The following CNIH3 variants were observed in gnomAD, a reference collection of about 807,000 sequenced individuals.
CNIH3 encodes cornichon family AMPA receptor auxiliary protein 3, also known as protein cornichon homolog 3.
Under a neutral mutation model 24.1 loss-of-function variants are expected in CNIH3, and 14 were observed. The ratio of observed to expected loss-of-function variants is 0.58; its 90% CI spans 0.38 to 0.91. The LOEUF (loss-of-function observed/expected upper bound fraction) is 0.91, where lower values mean the gene tolerates loss of function less well. Among genes scored for constraint, CNIH3 ranks in the 40% least tolerant of loss-of-function variants. CNIH3 has a pLI of 0.00. For synonymous variants in CNIH3, 68 were observed against 73.8 expected (o/e 0.92, Z 0.40); for missense variants, 178 against 196.8 (o/e 0.90, Z 0.57).
chr1:224,474,680 A>T (rs1383393354), intron 1 of CNIH3, among the ~76,000 whole-genome samples: 1 of 152,134 alleles, frequency 6.6e-6, no homozygotes, highest in South Asian at 2.1e-4. Flanking sequence ...TTCTGAAAAG[A>T]TAAAATTGAC....
chr1:224,608,362 G>A (rs1022897359), intron 3 of CNIH3, among the ~76,000 whole-genome samples: 8 of 152,136 alleles, frequency 5.3e-5, no homozygotes, highest in East Asian at 1.9e-4. Context: ...TTATTCGGCC[G>A]GGAGTGTTGG....
chr1:224,634,966 A>G (rs1684016011), intron 1 of CNIH3, among the ~76,000 whole-genome samples: 1 of 152,244 alleles, frequency 6.6e-6, no homozygotes, highest in Non-Finnish European at 1.5e-5. Flanking sequence ...GGGAGGCAGC[A>G]TCCGTTGTCT....
chr1:224,496,568 C>G lies in CNIH3; in HGVS notation n.204-19173C>G, dbSNP rs567969825. ...TGAGGAGGCCAGATGGTCCCTGAAT[C>G]AGGGTGGTTTCAGCATGCCCAGGAA... On this transcript the variant is annotated intron_variant and non_coding_transcript_variant, in intron 1 of 5. Coordinates refer to the CNIH3 transcript ENST00000471578. Among the ~76,000 whole-genome samples, 13 of 152,298 alleles carry G rather than the reference C, an allele frequency of 8.5e-5. No homozygotes were observed. The South Asian group carries it at 2.7e-3, about 32-fold the overall frequency.
At position 224,595,197 on chromosome 1, in the gene CNIH3, C is replaced by T. The variant is rs1229690548; in HGVS notation, n.402+28933C>T. On this transcript the variant is annotated intron_variant and non_coding_transcript_variant, in intron 3 of 7. Transcript: ENST00000478120. ...AATAAGCTGGGACTACAGTTGTGCA[C>T]CACCATACCTGTCTAATTTTAAAAT... is the stretch of plus-strand genomic sequence containing the variant. Among the ~76,000 whole-genome samples, 6 of 152,316 alleles carry T rather than the reference C, an allele frequency of 3.9e-5. No homozygotes were observed. In the East Asian group the frequency reaches 1.2e-3, roughly 29 times the overall value.
chr1:224,442,011 T>G (rs1297169152), intron 1 of CNIH3, among the ~76,000 whole-genome samples: 7 of 147,136 alleles, frequency 4.8e-5, no homozygotes, highest in Non-Finnish European at 9.0e-5. Flanking sequence ...TTGATTCCCT[T>G]AATTTTTTTT....
intron 3 of CNIH3, among the ~76,000 whole-genome samples, chr1:224,563,233 T>C (rs1680446409): frequency 6.6e-6 from 1 of 151,470 alleles, no homozygotes; most frequent in Non-Finnish European, 1.5e-5. Flanking sequence ...CTTCTTTTTA[T>C]AAATTACCCA....
intron 1 of CNIH3, among the ~76,000 whole-genome samples, chr1:224,672,536 AC>A (rs1685919874): frequency 6.6e-6 from 1 of 152,086 alleles, no homozygotes; most frequent in African/African-American, 2.4e-5. Context: ...ATCCTTCCTC[AC>A]CTCTTCCCAG....
Position 224,636,857 on chromosome 1 carries a change from G to A in CNIH3, c.81+19602G>A, listed in dbSNP as rs184667913. On this transcript the variant is annotated intron_variant, in intron 1 of 5. Transcript: ENST00000272133. ...GCCCTGAGGAAGATGTGAATTAGAA[G>A]GTTGCTTTAAGATTTTTATTTATCT... 1.4e-3 allele frequency among the ~76,000 whole-genome samples: 213 copies of A among 152,140 alleles called. 4 individuals carry two copies. Among genetic ancestry groups the A allele is most frequent in the East Asian group, 7.7e-4 (4 of 5,186 alleles).
At chr1:224,569,716 T>C (rs1680737604) in intron 4 of CNIH3, among the ~76,000 whole-genome samples, 1 of 152,198 alleles carries the variant, frequency 6.6e-6, no homozygotes, top group Non-Finnish European at 1.5e-5. Flanking sequence ...TTTGCCAGTC[T>C]GGTAGGTATG....
intron 1 of CNIH3, among the ~76,000 whole-genome samples, chr1:224,617,532 A>G (rs1029783250): frequency 1.2e-4 from 18 of 152,210 alleles, no homozygotes; most frequent in Admixed American, 9.2e-4. Flanking sequence ...TGGCGGCTAC[A>G]ACCACAACTA....
Position 224,604,468 on chromosome 1 carries a change from G to C in CNIH3, n.402+38204G>C, listed in dbSNP as rs1257321723. 1.3e-5 allele frequency among the ~76,000 whole-genome samples: 2 copies of C among 152,080 alleles called. No homozygotes were observed. Among genetic ancestry groups the C allele is most frequent in the Non-Finnish European group, 2.9e-5 (2 of 68,038 alleles). ...AGAGGGAAGTGAGAAGCAGCTTCCTGTGGACTGGACAGAGGCTGAGATGGA... is the reference window on the plus strand; with the variant it reads ...AGAGGGAAGTGAGAAGCAGCTTCCTCTGGACTGGACAGAGGCTGAGATGGA... On this transcript the variant is annotated intron_variant and non_coding_transcript_variant, in intron 3 of 7. Transcript: ENST00000478120. This position sits in a 1 kb window ranked among gnomAD's most constrained non-coding sequence, Gnocchi z 4.4.
chr1:224,448,251 A>C (rs949566695), intron 1 of CNIH3, among the ~76,000 whole-genome samples: 6 of 135,396 alleles, frequency 4.4e-5, no homozygotes, highest in African/African-American at 9.8e-5. Context: ...AAAACACACA[A>C]AAAAAATCAG....
chr1:224,734,726 G>C lies in CNIH3; in HGVS notation c.455+20G>C. The C allele has an allele frequency of 6.2e-7, 1 of 1,612,536 alleles. No individual in the cohort carries two copies. The highest frequency in any genetic ancestry group is 8.5e-7 in the Non-Finnish European group (1 of 1,178,718). ...TTACTGGTGAGTATCTGCCCCTCCT[G>C]GTGGTTTTGACTCCTGCAGCAAAAG... On this transcript the variant is annotated intron_variant, in intron 5 of 5. Coordinates refer to ENST00000272133, the MANE Select transcript of CNIH3 (RefSeq NM_152495.2).
intron 3 of CNIH3, among the ~76,000 whole-genome samples, chr1:224,702,735 G>C (rs573407481): frequency 5.3e-5 from 8 of 152,206 alleles, no homozygotes; most frequent in African/African-American, 1.9e-4. Context: ...GGCACAGACC[G>C]TGGTGTTTTC....
At chr1:224,518,529 G>T (rs1337169887) in intron 1 of CNIH3, among the ~76,000 whole-genome samples, 1 of 150,740 alleles carries the variant, frequency 6.6e-6, no homozygotes, top group East Asian at 1.9e-4. Context: ...ACAGGGTCTT[G>T]CTATGCTTCC....
chr1:224,627,079 A>G (rs1212442678), intron 1 of CNIH3, among the ~76,000 whole-genome samples: 1 of 152,126 alleles, frequency 6.6e-6, no homozygotes, highest in Non-Finnish European at 1.5e-5. Flanking sequence ...TGTCCAATAT[A>G]TGTGTTCACG....
exon 3 of CNIH3, chr1:224,546,854 A>G: frequency 1.0e-6 from 1 of 981,954 alleles, no homozygotes. Context: ...ACCTTTCCTG[A>G]AGAGATGATG....
At chr1:224,732,398 A>G (rs1425793020) in intron 4 of CNIH3, among the ~76,000 whole-genome samples, 3 of 152,222 alleles carry the variant, frequency 2.0e-5, no homozygotes, top group Non-Finnish European at 4.4e-5. Flanking sequence ...CACTTTAAGT[A>G]AAGGCAATCT....
Position 224,616,471 on chromosome 1 carries a change from C to T in CNIH3, c.-704C>T, listed in dbSNP as rs557942303. 14 of 988,196 alleles carry T rather than the reference C, an allele frequency of 1.4e-5. No individual in the cohort carries two copies. The African/African-American group carries it at 2.4e-4, about 17-fold the overall frequency. 61.2% of individuals were successfully genotyped at this position (988,196 alleles called of 1,614,324 possible). ...TCGCCCCGGTCCGACCCCCGGTTTC[C>T]GGGACACTTGGGTTGCGGAGGCCGG... On this transcript the variant is annotated 5_prime_UTR_variant, in exon 1 of 6. Transcript: ENST00000272133.
Sources: gnomAD v4.1 joint callset for allele counts (sites outside exome capture counted in the v4.1 genomes callset) on GRCh38, gnomAD v4.1.1 for gene constraint, Gnocchi (gnomAD v3.1) non-coding constraint, MANE v1.5 for transcripts, NCBI Gene and HGNC (gene_info 2026-07-23, HGNC 2026-07-21) for gene names.